The following XKR6 variants were observed in gnomAD, a reference collection of about 807,000 sequenced individuals.
The protein encoded by XKR6 is XK related 6, also known as XK-related protein 6.
XKR6 carries 22 observed loss-of-function variants against 56.7 expected under a neutral mutation model. That is an observed-to-expected ratio of 0.39 (90% CI 0.28 to 0.55). The LOEUF is 0.55. Among genes scored for constraint, XKR6 ranks in the 20% least tolerant of loss-of-function variants. The probability of loss-of-function intolerance (pLI) is 0.66; values close to 1 mark genes in which losing one functional copy is unlikely to be tolerated. For synonymous variants in XKR6, 524 were observed against 387.8 expected (o/e 1.35, Z -4.13); for missense variants, 852 against 889.0 (o/e 0.96, Z 0.53).
At chr8:10,994,910 G>A (rs1208022255) in intron 1 of XKR6, among the ~76,000 whole-genome samples, 1 of 152,190 alleles carries the variant, frequency 6.6e-6, no homozygotes, top group Non-Finnish European at 1.5e-5. Flanking sequence ...GATGGGGGAA[G>A]AGAAGACGGG....
intron 1 of XKR6, among the ~76,000 whole-genome samples, chr8:10,937,915 G>C (rs1454067537): frequency 1.3e-5 from 2 of 151,800 alleles, no homozygotes; most frequent in Non-Finnish European, 2.9e-5. Flanking sequence ...TCCTTGAGCT[G>C]TGGTGGGCTC....
chr8:10,900,894 G>A (rs191343952), intron 2 of XKR6, among the ~76,000 whole-genome samples: 81 of 108,618 alleles, frequency 7.5e-4, no homozygotes, highest in African/African-American at 2.6e-3. Flanking sequence ...TTACCCTGTC[G>A]CTCAGGCTGG....
intron 1 of XKR6, among the ~76,000 whole-genome samples, chr8:11,086,803 G>A (rs576360870): frequency 1.3e-5 from 2 of 152,332 alleles, no homozygotes; most frequent in African/African-American, 4.8e-5. Context: ...AGCTTGTTCT[G>A]CTGCTAATAG....
chr8:11,048,209 C>T (rs1034844679), intron 1 of XKR6, among the ~76,000 whole-genome samples: 2 of 152,262 alleles, frequency 1.3e-5, no homozygotes, highest in Admixed American at 1.3e-4. Flanking sequence ...GCTGAACTTC[C>T]GTATCTCACC....
At chr8:10,998,360 C>A (rs115165524) in intron 1 of XKR6, among the ~76,000 whole-genome samples, 2,020 of 152,274 alleles carry the variant, frequency 0.013, 45 homozygotes, top group African/African-American at 0.045. Context: ...CTGCAGAATT[C>A]TTCTCTGGTA....
At chr8:10,990,240 T>C (rs1232380657) in intron 1 of XKR6, among the ~76,000 whole-genome samples, 1 of 152,232 alleles carries the variant, frequency 6.6e-6, no homozygotes, top group African/African-American at 2.4e-5. Context: ...AACGCGTCTC[T>C]ATCCAGGAGC....
rs987939120 is a variant in XKR6 at position 11,200,299 on chromosome 8, G to A, written c.764+277C>T. 6.6e-6 allele frequency among the ~76,000 whole-genome samples: 1 copy of A among 152,254 alleles called. No homozygotes were observed. ...GGACGCTTGGGAACGGAGCTCTGCA[G>A]AGGGGACGGGGAGGGCAGGTTGGGG... On this transcript the variant is annotated intron_variant, in intron 1 of 2. Coordinates refer to ENST00000416569, the MANE Select transcript of XKR6 (RefSeq NM_173683.4). The surrounding 1 kb of genome is among the most constrained non-coding windows in gnomAD (Gnocchi z 6.4).
At chr8:11,193,738 A>AACCCCCC (rs1803710603) in intron 1 of XKR6, among the ~76,000 whole-genome samples, 1 of 107,548 alleles carries the variant, frequency 9.3e-6, no homozygotes, top group Admixed American at 1.0e-4. Context: ...TAAGGTTCTG[A>AACCCCCC]CCCCCCCCCC....
chr8:10,924,785 C>G lies in XKR6; in HGVS notation c.810G>C (p.Lys270Asn), dbSNP rs746619145. 6.2e-7 allele frequency: 1 copy of G among 1,614,070 alleles called. No homozygotes were observed. Among genetic ancestry groups the G allele is most frequent in the Non-Finnish European group, 8.5e-7 (1 of 1,179,976 alleles). Residue 270 changes from lysine to asparagine, a missense_variant, in exon 2 of 3, where the codon AAG becomes AAC. Physicochemically the swap from Lys to Asn is moderately conservative, Grantham distance 94 (BLOSUM62 0). Around this residue, in one of 4 missense-constraint regions of XKR6, gnomAD observed 199 missense variants for 280.4 expected, o/e 0.71. Coordinates refer to ENST00000416569, the MANE Select transcript of XKR6 (RefSeq NM_173683.4). ...MYLGIQSQRRKEHQRRFYWAM... is the reference protein window; with the variant it reads ...MYLGIQSQRRNEHQRRFYWAM... ...CCCAGTAGAAGCGTCGCTGGTGTTC[C>G]TTCCGCCGCTGGCTCTGAATCCCCA...
At chr8:11,046,100 T>C (rs1799404040) in intron 1 of XKR6, among the ~76,000 whole-genome samples, 1 of 152,072 alleles carries the variant, frequency 6.6e-6, no homozygotes, top group African/African-American at 2.4e-5. Context: ...CCCAAAAGAA[T>C]TTAAAGCAGG....
At chr8:10,995,862 G>T (rs987794234) in intron 1 of XKR6, among the ~76,000 whole-genome samples, 6 of 152,174 alleles carry the variant, frequency 3.9e-5, no homozygotes, top group Non-Finnish European at 8.8e-5. Context: ...TTCCTCTTTG[G>T]TGAAGACCAT....
At chr8:10,904,581 G>A (rs1167051680) in intron 2 of XKR6, among the ~76,000 whole-genome samples, 1 of 152,174 alleles carries the variant, frequency 6.6e-6, no homozygotes, top group Non-Finnish European at 1.5e-5. Context: ...GGAGGGAGCA[G>A]GTGAGGCAGG....
chr8:11,039,043 T>C (rs1345062408), intron 1 of XKR6, among the ~76,000 whole-genome samples: 1 of 151,492 alleles, frequency 6.6e-6, no homozygotes, highest in Non-Finnish European at 1.5e-5. Context: ...GAGCTTATGG[T>C]CCCCAGAGAG....
intron 1 of XKR6, among the ~76,000 whole-genome samples, chr8:11,017,325 G>C (rs986794805): frequency 3.9e-5 from 6 of 152,214 alleles, no homozygotes; most frequent in African/African-American, 7.2e-5. Context: ...CAGTACCCAG[G>C]CTTTGGCAAC....
chr8:11,133,764 C>T (rs1258489310), intron 1 of XKR6, among the ~76,000 whole-genome samples: 1 of 152,100 alleles, frequency 6.6e-6, no homozygotes, highest in African/African-American at 2.4e-5. Flanking sequence ...AATGTTACTT[C>T]CCTAAGAAAT....
At chr8:11,179,961 C>A (rs1186822053) in intron 1 of XKR6, among the ~76,000 whole-genome samples, 3 of 151,872 alleles carry the variant, frequency 2.0e-5, no homozygotes, top group African/African-American at 4.8e-5. Context: ...GGCGAGACCC[C>A]ATCTTCACAA....
In XKR6 at chr8:11,201,154, G is replaced by A. The variant is rs1804207112; in HGVS notation, c.186C>T (p.Thr62=). ...SSMHICHCCN[T]SSCYWGCRSA... ...AGCGGCAGCCCCAGTAGCACGAGGAGGTGTTGCAGCAGTGGCAGATGTGCA... is the reference window on the plus strand; with the variant it reads ...AGCGGCAGCCCCAGTAGCACGAGGAAGTGTTGCAGCAGTGGCAGATGTGCA... The change falls in exon 1 of 3, where the codon ACC becomes ACT. Residue 62 remains threonine (T), a synonymous_variant. Transcript: ENST00000416569. 16 of 1,522,982 alleles carry A rather than the reference G, an allele frequency of 1.1e-5. No individual in the cohort carries two copies. Among genetic ancestry groups the A allele is most frequent in the African/African-American group, 1.4e-5 (1 of 70,924 alleles). 94.3% of individuals were successfully genotyped at this position (1,522,982 alleles called of 1,614,324 possible).
intron 1 of XKR6, among the ~76,000 whole-genome samples, chr8:10,987,680 C>G (rs550790076): frequency 2.0e-5 from 3 of 152,332 alleles, no homozygotes; most frequent in Middle Eastern, 3.4e-3. Flanking sequence ...GCTCAAAGCC[C>G]TACCATGACT....
At chr8:11,001,689 G>C (rs1305801556) in intron 1 of XKR6, among the ~76,000 whole-genome samples, 1 of 152,214 alleles carries the variant, frequency 6.6e-6, no homozygotes, top group Non-Finnish European at 1.5e-5. Context: ...GGCAGAGTTA[G>C]AACAGAGGGG....
Sources: allele counts gnomAD v4.1 joint callset (sites outside exome capture counted in the v4.1 genomes callset), GRCh38; gene constraint gnomAD v4.1.1; regional missense constraint gnomAD v4.1.1; non-coding constraint Gnocchi (gnomAD v3.1); transcripts MANE v1.5; gene names NCBI Gene and HGNC (gene_info 2026-07-23, HGNC 2026-07-21).